Variants in GABRG2 observed in about 807,000 individuals in gnomAD.
GABRG2 encodes gamma-aminobutyric acid receptor subunit gamma-2.
In GABRG2, 16 loss-of-function variants were observed where a neutral mutation model predicts 56.4. That is an observed-to-expected ratio of 0.28 (90% CI 0.19 to 0.43). The LOEUF (loss-of-function observed/expected upper bound fraction) is 0.43. Among genes scored for constraint, GABRG2 ranks in the 20% least tolerant of loss-of-function variants. The pLI is 1.00. For missense variants in GABRG2, 327 were observed against 582.7 expected, an observed-to-expected ratio of 0.56 and a Z score of 4.52; for synonymous variants, 208 against 205.5, an observed-to-expected ratio of 1.01 and a Z score of -0.10.
intron 7 of GABRG2, among the ~76,000 whole-genome samples, chr5:162,148,012 C>A (rs547430208): frequency 6.6e-5 from 10 of 152,272 alleles, no homozygotes; most frequent in Admixed American, 2.6e-4. Flanking sequence ...GAGCTAGAAC[C>A]TATTTGAATA....
chr5:162,106,681 C>G lies in GABRG2; in HGVS notation c.769+2655C>G, dbSNP rs140900070. Among the ~76,000 whole-genome samples the G allele has an allele frequency of 3.7e-3, 557 of 152,176 alleles. 4 individuals carry two copies. Among genetic ancestry groups the G allele is most frequent in the African/African-American group, 0.013 (536 of 41,524 alleles). On this transcript the variant is annotated intron_variant, in intron 6 of 9. Transcript: ENST00000639213. ...TCCCTTTAAGATGCCTCTTTTGTAACTGGGGGAGAATATTGCCAAATTGCC... is the reference window on the plus strand; with the variant it reads ...TCCCTTTAAGATGCCTCTTTTGTAAGTGGGGGAGAATATTGCCAAATTGCC...
intron 6 of GABRG2, among the ~76,000 whole-genome samples, chr5:162,109,389 AATATATATATATATATATAT>A (rs535370579): frequency 8.6e-6 from 1 of 116,266 alleles, no homozygotes; most frequent in Non-Finnish European, 1.7e-5. Context: ...CTTAAAGTAT[AATATATATATATATATATAT>A]ATATATATAT....
At chr5:162,090,634 A>T (rs1760499338) in intron 1 of GABRG2, among the ~76,000 whole-genome samples, 1 of 152,170 alleles carries the variant, frequency 6.6e-6, no homozygotes, top group Non-Finnish European at 1.5e-5. Context: ...TATCACTCAG[A>T]TGACAAAAAT....
intron 1 of GABRG2, among the ~76,000 whole-genome samples, chr5:162,074,612 T>C (rs979263783): frequency 6.6e-6 from 1 of 152,078 alleles, no homozygotes; most frequent in Admixed American, 6.6e-5. Context: ...GAAAAAATGA[T>C]TGATGCTTTC....
chr5:162,135,083 G>A (rs902439261), intron 6 of GABRG2, among the ~76,000 whole-genome samples: 1 of 152,188 alleles, frequency 6.6e-6, no homozygotes, highest in African/African-American at 2.4e-5. Context: ...TTGGCACACT[G>A]TGGTGCTTGT....
chr5:162,077,081 G>C (rs1290977992), intron 1 of GABRG2, among the ~76,000 whole-genome samples: 1 of 111,394 alleles, frequency 9.0e-6, no homozygotes, highest in Non-Finnish European at 2.2e-5. Context: ...CCCTGTGTGT[G>C]TGTGTGTGTG....
intron 6 of GABRG2, among the ~76,000 whole-genome samples, chr5:162,133,523 C>T (rs1763904100): frequency 6.6e-6 from 1 of 152,104 alleles, no homozygotes; most frequent in South Asian, 2.1e-4. Flanking sequence ...AAATTGCTGT[C>T]TCTTTCGATG....
intron 6 of GABRG2, among the ~76,000 whole-genome samples, chr5:162,116,709 A>G (rs7715656): frequency 6.6e-6 from 1 of 151,930 alleles, no homozygotes; most frequent in African/African-American, 2.4e-5. Flanking sequence ...TATACTATAC[A>G]TGACTCACCT....
At chr5:162,096,373 C>A (rs1760995803) in intron 3 of GABRG2, among the ~76,000 whole-genome samples, 1 of 152,062 alleles carries the variant, frequency 6.6e-6, no homozygotes, top group Non-Finnish European at 1.5e-5. Context: ...GCAGAACTTT[C>A]TTGTTTTAGG....
chr5:162,097,818 C>T lies in GABRG2; in HGVS notation c.508C>T (p.Leu170=), dbSNP rs762581269. 1 of 1,613,228 alleles carries T rather than the reference C, an allele frequency of 6.2e-7. No homozygotes were observed. ...AHWITTPNRM[L]RIWNDGRVLY... ...CTGGATCACCACCCCCAACAGGATGCTGAGAATTTGGAATGATGGTCGAGT... is the reference window on the plus strand; with the variant it reads ...CTGGATCACCACCCCCAACAGGATGTTGAGAATTTGGAATGATGGTCGAGT... The change falls in exon 4 of 10, where the codon CTG becomes TTG. Residue 170 remains leucine (L), a synonymous_variant. Coordinates refer to ENST00000639213, the MANE Select transcript of GABRG2 (RefSeq NM_198904.4).
At chr5:162,072,692 C>CACACAA (rs1758769467) in intron 1 of GABRG2, among the ~76,000 whole-genome samples, 1 of 151,918 alleles carries the variant, frequency 6.6e-6, no homozygotes, top group African/African-American at 2.4e-5. Flanking sequence ...TCAAATAATA[C>CACACAA]ACACAAACAC....
chr5:162,098,090 T>C, intron 4 of GABRG2: 1 of 547,172 alleles, frequency 1.8e-6, no homozygotes, highest in South Asian at 2.2e-5. Context: ...CCACAACTGC[T>C]GTGAAAACTA....
chr5:162,121,992 A>G (rs896115296), intron 6 of GABRG2, among the ~76,000 whole-genome samples: 6 of 152,078 alleles, frequency 3.9e-5, no homozygotes, highest in Admixed American at 1.3e-4. Context: ...TGCTGTCATT[A>G]ACTTTCCAAT....
intron 6 of GABRG2, among the ~76,000 whole-genome samples, chr5:162,130,244 A>G (rs1581416914): frequency 1.3e-5 from 2 of 152,104 alleles, no homozygotes; most frequent in East Asian, 3.9e-4. Context: ...GTGCTTGAGA[A>G]TAAAGAGCAA....
Position 162,067,938 on chromosome 5 carries a change from A to AAGGGG in GABRG2, c.-57_-53dup. On this transcript the variant is annotated 5_prime_UTR_variant, in exon 1 of 10. Coordinates refer to ENST00000639213, the MANE Select transcript of GABRG2 (RefSeq NM_198904.4). The stretch of plus-strand genomic sequence containing the variant: ...AGATCATAAGCATAAGAATAATACA[A>AAGGGG]AGGGGAGGGATTCTTCTGCAACCAA... 8.8e-7 allele frequency: 1 copy of AAGGGG among 1,137,910 alleles called. No individual in the cohort carries two copies. Among genetic ancestry groups the AAGGGG allele is most frequent in the Non-Finnish European group, 1.3e-6 (1 of 754,068 alleles). 70.5% of individuals were successfully genotyped at this position (1,137,910 alleles called of 1,614,324 possible).
At chr5:162,135,109 C>A (rs1187324439) in intron 6 of GABRG2, among the ~76,000 whole-genome samples, 2 of 152,154 alleles carry the variant, frequency 1.3e-5, no homozygotes, top group East Asian at 3.9e-4. Context: ...AGCAGCCAAA[C>A]CCATTTGTTC....
intron 6 of GABRG2, among the ~76,000 whole-genome samples, chr5:162,127,457 G>A (rs532583742): frequency 2.5e-4 from 38 of 151,748 alleles, no homozygotes; most frequent in African/African-American, 8.7e-4. Flanking sequence ...TAAAATTTGG[G>A]GTATCTATAT....
intron 7 of GABRG2, among the ~76,000 whole-genome samples, chr5:162,146,572 T>C (rs868503844): frequency 6.6e-6 from 1 of 152,156 alleles, no homozygotes. Flanking sequence ...TGATCTTTCA[T>C]GTATATACTA....
At chr5:162,104,679 T>C (rs1335594669) in intron 6 of GABRG2, among the ~76,000 whole-genome samples, 1 of 152,178 alleles carries the variant, frequency 6.6e-6, no homozygotes, top group Non-Finnish European at 1.5e-5. Flanking sequence ...AGCTGGCACA[T>C]AGTGAGCACT....
Sources: allele counts gnomAD v4.1 joint callset (sites outside exome capture counted in the v4.1 genomes callset), GRCh38; gene constraint gnomAD v4.1.1; transcripts MANE v1.5; gene names NCBI Gene and HGNC (gene_info 2026-07-23, HGNC 2026-07-21).